COG5: variants seen among roughly 807,000 people sequenced by gnomAD.
The protein encoded by COG5 is conserved oligomeric Golgi complex subunit 5.
COG5 carries 86 observed loss-of-function variants against 110.4 expected under a neutral mutation model. The ratio of observed to expected loss-of-function variants is 0.78; its 90% CI spans 0.65 to 0.93. The LOEUF is 0.93. Ranked by LOEUF, COG5 falls within the 40% of genes least tolerant of loss-of-function variation. The pLI is 0.00. For synonymous variants in COG5, 360 were observed against 334.6 expected (o/e 1.08, Z -0.83); for missense variants, 1,077 against 987.0 (o/e 1.09, Z -1.22).
chr7:107,445,493 A>G (rs1794955123), intron 6 of COG5, among the ~76,000 whole-genome samples: 1 of 152,202 alleles, frequency 6.6e-6, no homozygotes. Flanking sequence ...CACATAAGAG[A>G]CTACTATTTA....
chr7:107,208,018 C>T (rs1456211005), intron 21 of COG5: 3 of 985,418 alleles, frequency 3.0e-6, no homozygotes, highest in Non-Finnish European at 2.4e-6. Context: ...TACTCACCCT[C>T]GGTTTGTCTA....
At chr7:107,363,909 C>T (rs549183922) in intron 8 of COG5, among the ~76,000 whole-genome samples, 2 of 150,814 alleles carry the variant, frequency 1.3e-5, no homozygotes, top group East Asian at 3.9e-4. Context: ...GAGCCGAGAT[C>T]GTACCATTGC....
chr7:107,341,810 G>T (rs1355072954), intron 10 of COG5, among the ~76,000 whole-genome samples: 6 of 152,154 alleles, frequency 3.9e-5, no homozygotes, highest in African/African-American at 1.4e-4. Flanking sequence ...AATGGTCCTG[G>T]GATAACTGGT....
chr7:107,340,127 T>C lies in COG5; in HGVS notation c.1027-15606A>G, dbSNP rs565515582. 6.6e-5 allele frequency among the ~76,000 whole-genome samples: 10 copies of C among 151,758 alleles called. 3 individuals carry two copies. The highest frequency in any genetic ancestry group is 2.4e-4 in the African/African-American group (10 of 41,390). The stretch of plus-strand genomic sequence containing the variant: ...GTAATAAACAAGGCTGATAGACCAC[T>C]AGCTAGATTAACAAAGAAAAAAAAG... On this transcript the variant is annotated intron_variant, in intron 10 of 21. Transcript: ENST00000297135.
intron 19 of COG5, among the ~76,000 whole-genome samples, chr7:107,211,450 C>T (rs762281424): frequency 3.9e-5 from 6 of 152,110 alleles, no homozygotes; most frequent in East Asian, 1.9e-4. Context: ...ATTTGACCCC[C>T]GGTTCATTGG....
intron 10 of COG5, among the ~76,000 whole-genome samples, chr7:107,361,688 A>C (rs1228993294): frequency 1.3e-5 from 2 of 152,112 alleles, no homozygotes; most frequent in Non-Finnish European, 2.9e-5. Context: ...CAGCCTCCCG[A>C]GTAGCTGGGA....
At chr7:107,449,843 T>G (rs1354500892) in intron 6 of COG5, among the ~76,000 whole-genome samples, 1 of 152,210 alleles carries the variant, frequency 6.6e-6, no homozygotes, top group Non-Finnish European at 1.5e-5. Context: ...GCAAAATATC[T>G]TTTTATCTCA....
In COG5 at chr7:107,474,539, T is replaced by C; in HGVS notation, c.538+52698A>G. On this transcript the variant is annotated intron_variant, in intron 6 of 21. Transcript: ENST00000297135. The surrounding 1 kb of genome is among the most constrained non-coding windows in gnomAD (Gnocchi z 5.7). The stretch of plus-strand genomic sequence containing the variant: ...CTGACAATGGGCAGAGCTGTAATGT[T>C]AATGATATCCATTTGGATTTTTTCT... 6.2e-7 allele frequency: 1 copy of C among 1,611,496 alleles called. No homozygotes were observed. The highest frequency in any genetic ancestry group is 8.5e-7 in the Non-Finnish European group (1 of 1,178,122).
chr7:107,442,757 A>G (rs928281404), intron 6 of COG5, among the ~76,000 whole-genome samples: 4 of 152,128 alleles, frequency 2.6e-5, no homozygotes, highest in Admixed American at 6.5e-5. Flanking sequence ...ATAATACGCT[A>G]TAATAGATGT....
intron 7 of COG5, among the ~76,000 whole-genome samples, chr7:107,406,682 G>A (rs1447668666): frequency 6.6e-6 from 1 of 152,080 alleles, no homozygotes; most frequent in Non-Finnish European, 1.5e-5. Flanking sequence ...TTTTTGACAT[G>A]TTAAATTTAT....
chr7:107,399,514 T>TC (rs1206533674), intron 7 of COG5, among the ~76,000 whole-genome samples: 1 of 152,108 alleles, frequency 6.6e-6, no homozygotes, highest in Admixed American at 6.5e-5. Flanking sequence ...CACACACTCC[T>TC]CTCTCTTGCC....
chr7:107,359,366 C>T (rs1230458455), intron 10 of COG5, among the ~76,000 whole-genome samples: 1 of 152,222 alleles, frequency 6.6e-6, no homozygotes, highest in Non-Finnish European at 1.5e-5. Context: ...TGGACACCAA[C>T]AAGCATGGGA....
chr7:107,502,344 C>T (rs1256678068), intron 6 of COG5, among the ~76,000 whole-genome samples: 1 of 152,062 alleles, frequency 6.6e-6, no homozygotes, highest in Non-Finnish European at 1.5e-5. Context: ...CACATTACTT[C>T]ATTCCTTTTT....
chr7:107,495,379 C>T (rs1798213291), intron 6 of COG5, among the ~76,000 whole-genome samples: 2 of 152,258 alleles, frequency 1.3e-5, no homozygotes, highest in African/African-American at 4.8e-5. Context: ...CCAGCAACTA[C>T]ACAATGCAGG....
intron 12 of COG5, among the ~76,000 whole-genome samples, chr7:107,296,087 C>T (rs2116902224): frequency 6.6e-6 from 1 of 151,622 alleles, no homozygotes; most frequent in African/African-American, 2.4e-5. Flanking sequence ...TTTTCCTTCC[C>T]TTCCCTTCCC....
chr7:107,497,548 G>T (rs908150844), intron 6 of COG5, among the ~76,000 whole-genome samples: 29 of 152,056 alleles, frequency 1.9e-4, no homozygotes, highest in African/African-American at 6.3e-4. Context: ...ATTTACAATT[G>T]CATCCAAAGA....
chr7:107,367,059 C>G (rs538858065), intron 8 of COG5, among the ~76,000 whole-genome samples: 27 of 149,268 alleles, frequency 1.8e-4, no homozygotes, highest in Non-Finnish European at 3.6e-4. Context: ...ATAAAACTAA[C>G]ATTACAATTG....
chr7:107,329,740 T>A (rs1212054324), intron 10 of COG5, among the ~76,000 whole-genome samples: 2 of 151,898 alleles, frequency 1.3e-5, no homozygotes, highest in Non-Finnish European at 2.9e-5. Flanking sequence ...CACAAAAATT[T>A]AAAAAATTAG....
intron 6 of COG5, among the ~76,000 whole-genome samples, chr7:107,509,443 G>C (rs1332856420): frequency 6.6e-6 from 1 of 152,186 alleles, no homozygotes; most frequent in Non-Finnish European, 1.5e-5. Flanking sequence ...GAAAGTGATG[G>C]GGAGAATGGA....
Sources: gnomAD v4.1 joint callset for allele counts (sites outside exome capture counted in the v4.1 genomes callset) on GRCh38, gnomAD v4.1.1 for gene constraint, Gnocchi (gnomAD v3.1) non-coding constraint, MANE v1.5 for transcripts, NCBI Gene and HGNC (gene_info 2026-07-23, HGNC 2026-07-21) for gene names.